Variants in COL19A1 observed in about 807,000 individuals in gnomAD.
The protein encoded by COL19A1 is collagen alpha-1(XIX) chain.
In COL19A1, 159 loss-of-function variants were observed where a neutral mutation model predicts 190.2. The observed-to-expected ratio is 0.84, with a 90% CI of 0.73 to 0.95. The LOEUF (loss-of-function observed/expected upper bound fraction) is 0.95. Ranked by LOEUF, COL19A1 falls within the 40% of genes least tolerant of loss-of-function variation. The probability of loss-of-function intolerance (pLI) is 0.00; values close to 1 mark genes in which losing one functional copy is unlikely to be tolerated. For missense variants in COL19A1, 1,418 were observed against 1,431.9 expected (o/e 0.99, Z 0.16); for synonymous variants, 509 against 458.9 (o/e 1.11, Z -1.39).
chr6:70,109,009 C>T (rs753955737), intron 16 of COL19A1, among the ~76,000 whole-genome samples: 2 of 152,116 alleles, frequency 1.3e-5, no homozygotes, highest in East Asian at 3.8e-4. Context: ...CTATTACAAA[C>T]ATTGAATATA....
chr6:70,122,961 T>C (rs1562195654), intron 17 of COL19A1, among the ~76,000 whole-genome samples: 1 of 152,174 alleles, frequency 6.6e-6, no homozygotes, highest in Non-Finnish European at 1.5e-5. Flanking sequence ...TTATCTCCTT[T>C]ATTTAGGTTT....
chr6:69,870,367 G>C (rs1767748361), intron 1 of COL19A1, among the ~76,000 whole-genome samples: 2 of 152,230 alleles, frequency 1.3e-5, no homozygotes, highest in Admixed American at 1.3e-4. Context: ...ATTGAGCTCT[G>C]TTGAATCACA....
rs73746852 is a variant in COL19A1 at position 70,022,467 on chromosome 6, T to C, written c.1027-1160T>C. 8.7e-3 allele frequency among the ~76,000 whole-genome samples: 1,320 copies of C among 152,284 alleles called. 19 individuals are homozygous for C. Among genetic ancestry groups the C allele is most frequent in the African/African-American group, 0.03 (1,228 of 41,558 alleles). On this transcript the variant is annotated intron_variant, in intron 11 of 50. Transcript: ENST00000620364. ...TTCTCACAGTGTTGTTTCTAAGACC[T>C]GTGGGTAGATGGTGTGCAGGTAGGT...
At chr6:70,104,493 C>A (rs1783830437) in intron 16 of COL19A1, among the ~76,000 whole-genome samples, 1 of 152,140 alleles carries the variant, frequency 6.6e-6, no homozygotes, top group East Asian at 1.9e-4. Context: ...TTAGAAACCA[C>A]CCTCTTGACC....
chr6:70,075,513 C>T (rs1213872780), intron 15 of COL19A1, among the ~76,000 whole-genome samples: 1 of 152,144 alleles, frequency 6.6e-6, no homozygotes, highest in African/African-American at 2.4e-5. Flanking sequence ...TTACTTTTGC[C>T]TCATATTCTC....
intron 2 of COL19A1, among the ~76,000 whole-genome samples, chr6:69,884,860 CTT>C (rs551532506): frequency 1.4e-5 from 2 of 144,200 alleles, no homozygotes; most frequent in Non-Finnish European, 1.5e-5. Flanking sequence ...GCTCTTTTCT[CTT>C]TTTTTTTTTT....
chr6:70,114,663 A>AT (rs1344694427), intron 16 of COL19A1, among the ~76,000 whole-genome samples: 2 of 151,756 alleles, frequency 1.3e-5, no homozygotes, highest in Admixed American at 6.6e-5. Flanking sequence ...AAGGGTTGAT[A>AT]TTTTTTCTCT....
intron 14 of COL19A1, chr6:70,059,849 A>G: frequency 2.0e-6 from 1 of 496,868 alleles, no homozygotes; most frequent in Non-Finnish European, 4.1e-6. Flanking sequence ...ATTTACAGTT[A>G]TTTTTATAGC....
intron 11 of COL19A1, among the ~76,000 whole-genome samples, chr6:69,998,274 AATTTATTT>A (rs563385894): frequency 2.6e-5 from 4 of 151,976 alleles, no homozygotes; most frequent in African/African-American, 4.8e-5. Flanking sequence ...TTTGCAACAC[AATTTATTT>A]ATTTATTTAT....
At position 69,938,099 on chromosome 6, in the gene COL19A1, C is replaced by T. The variant is rs199945062; in HGVS notation, c.935C>T (p.Pro312Leu). The T allele has an allele frequency of 7.3e-5, 118 of 1,609,466 alleles. No individual in the cohort carries two copies. The highest frequency in any genetic ancestry group is 8.9e-5 in the East Asian group (4 of 44,752). Reference protein sequence around the residue: ...SPGQKGHKGEPGENGLHGAPG... With the variant: ...SPGQKGHKGELGENGLHGAPG... ...GGGCAGAAAGGGCATAAAGGAGAGC[C>T]GGTAAGAAAAAAACAAATACTGATG... Residue 312 changes from proline to leucine, a missense_variant and splice_region_variant, in exon 9 of 51, where the codon CCG (proline) becomes CTG (leucine). Coordinates refer to ENST00000620364, the MANE Select transcript of COL19A1 (RefSeq NM_001858.6).
rs1765526414 is a variant in COL19A1, at chr6:70,171,974, G to A, written c.2579G>A (p.Gly860Asp). The A allele has an allele frequency of 6.2e-7, 1 of 1,612,460 alleles. No individual in the cohort carries two copies. The highest frequency in any genetic ancestry group is 8.5e-7 in the Non-Finnish European group (1 of 1,179,398). Residue 860 changes from glycine (G) to aspartate (D), a missense_variant, in exon 41 of 51, where the codon GGT (glycine) becomes GAT (aspartate). Coordinates refer to ENST00000620364, the MANE Select transcript of COL19A1 (RefSeq NM_001858.6). Reference protein sequence around the residue: ...KGDPGPVGEPGAMGLPGLEGF... With the variant: ...KGDPGPVGEPDAMGLPGLEGF... ...GTTCATATTTAACAGGGAGAGCCTG[G>A]TGCAATGGGGTTGCCAGGATTAGAA...
intron 16 of COL19A1, among the ~76,000 whole-genome samples, chr6:70,118,094 C>T (rs1005354275): frequency 2.0e-5 from 3 of 152,170 alleles, no homozygotes; most frequent in African/African-American, 7.2e-5. Context: ...TGTCACTTAC[C>T]ACAAGTCTTT....
rs1192693766 is a variant in COL19A1 at position 70,023,672 on chromosome 6, G to A, written c.1072G>A (p.Gly358Arg). ...KGDPALAGLN[G>R]ENGLKGDLGP... ...AGATCCAGCTCTGGCTGGCCTTAAT[G>A]GAGAAAATGTAAGCCTAACTCTTTT... The change falls in exon 12 of 51, where the codon GGA becomes AGA. Residue 358 changes from glycine (G) to arginine (R), a missense_variant. Gly to Arg is a moderately radical substitution (Grantham distance 125). Transcript: ENST00000620364. 1.9e-6 allele frequency: 3 copies of A among 1,610,490 alleles called. No individual in the cohort carries two copies. The highest frequency in any genetic ancestry group is 2.5e-6 in the Non-Finnish European group (3 of 1,178,930).
chr6:70,068,406 T>C lies in COL19A1; in HGVS notation c.1171-17T>C. ...ACTTGAAACAGTGTATTAACATGTG[T>C]CTCTTTTTCCTCATAGGGTTCCCTG... On this transcript the variant is annotated splice_polypyrimidine_tract_variant and intron_variant, in intron 14 of 50. Coordinates refer to ENST00000620364, the MANE Select transcript of COL19A1 (RefSeq NM_001858.6). 6.5e-7 allele frequency: 1 copy of C among 1,532,548 alleles called. No homozygotes were observed. Among genetic ancestry groups the C allele is most frequent in the African/African-American group, 1.4e-5 (1 of 73,872 alleles). The allele number at this position is 1,532,548 out of a possible 1,614,324, so 94.9% of individuals were successfully genotyped here.
intron 11 of COL19A1, among the ~76,000 whole-genome samples, chr6:69,999,535 TA>T (rs1339890548): frequency 5.3e-5 from 8 of 151,982 alleles, no homozygotes; most frequent in East Asian, 2.0e-4. Context: ...CCCTGTCTCA[TA>T]AAAAAATTTT....
At chr6:70,183,508 T>C (rs1191179446) in intron 44 of COL19A1, among the ~76,000 whole-genome samples, 1 of 152,218 alleles carries the variant, frequency 6.6e-6, no homozygotes, top group Non-Finnish European at 1.5e-5. Context: ...ACTACACTTT[T>C]ACTCTAGATT....
rs147393024 is a variant in COL19A1 at position 70,192,775 on chromosome 6, T to G, written c.3094+2394T>G. The stretch of plus-strand genomic sequence containing the variant: ...CGTAAACTAAACATGGGGCCCTATG[T>G]GACTGCATAGGTAGCCCGGACATGC... On this transcript the variant is annotated intron_variant, in intron 48 of 50. Coordinates refer to ENST00000620364, the MANE Select transcript of COL19A1 (RefSeq NM_001858.6). 5.7e-3 allele frequency among the ~76,000 whole-genome samples: 865 copies of G among 152,360 alleles called. 6 individuals are homozygous for G. Among genetic ancestry groups the G allele is most frequent in the African/African-American group, 0.019 (810 of 41,580 alleles).
At chr6:70,128,616 G>A (rs2150220649) in intron 17 of COL19A1, among the ~76,000 whole-genome samples, 1 of 152,348 alleles carries the variant, frequency 6.6e-6, no homozygotes. Context: ...AGTTACATAA[G>A]TGGTGTCAAA....
intron 11 of COL19A1, among the ~76,000 whole-genome samples, chr6:70,020,869 A>T (rs949987992): frequency 2.0e-5 from 3 of 152,188 alleles, no homozygotes; most frequent in Non-Finnish European, 4.4e-5. Flanking sequence ...AGATAAATGT[A>T]TAGAAGATAG....
Sources: allele counts gnomAD v4.1 joint callset (sites outside exome capture counted in the v4.1 genomes callset), GRCh38; gene constraint gnomAD v4.1.1; transcripts MANE v1.5; gene names NCBI Gene and HGNC (gene_info 2026-07-23, HGNC 2026-07-21).